Variants in ANXA2 observed in about 807,000 individuals in gnomAD.
ANXA2 encodes annexin A2.
In ANXA2, 28 loss-of-function variants were observed where a neutral mutation model predicts 47.3. The observed-to-expected ratio is 0.59, with a 90% CI of 0.44 to 0.81. The LOEUF (loss-of-function observed/expected upper bound fraction) is 0.81, where lower values mean the gene tolerates loss of function less well. Ranked by LOEUF, ANXA2 falls within the 40% of genes least tolerant of loss-of-function variation. ANXA2 has a pLI of 0.00. For missense variants in ANXA2, 384 were observed against 414.3 expected, an observed-to-expected ratio of 0.93 and a Z score of 0.64; for synonymous variants, 172 against 155.5, an observed-to-expected ratio of 1.11 and a Z score of -0.79.
intron 3 of ANXA2, among the ~76,000 whole-genome samples, chr15:60,366,571 A>C (rs954241546): frequency 3.4e-5 from 5 of 145,620 alleles, no homozygotes; most frequent in Non-Finnish European, 6.0e-5. Flanking sequence ...TCTGCCTGGC[A>C]ACCGCCCCGT....
At chr15:60,378,468 T>C (rs146601480) in intron 3 of ANXA2, among the ~76,000 whole-genome samples, 3 of 152,348 alleles carry the variant, frequency 2.0e-5, no homozygotes, top group African/African-American at 7.2e-5. Context: ...CCTCAAGACA[T>C]ACTTCCCAAC....
At chr15:60,376,249 G>A (rs1457103250) in intron 3 of ANXA2, among the ~76,000 whole-genome samples, 1 of 152,102 alleles carries the variant, frequency 6.6e-6, no homozygotes, top group Non-Finnish European at 1.5e-5. Flanking sequence ...GGGCATGGTG[G>A]CACATGCCTG....
intron 3 of ANXA2, 82 bp downstream of exon 3, chr15:60,382,260 T>C: frequency 1.9e-6 from 2 of 1,064,470 alleles, no homozygotes; most frequent in East Asian, 2.4e-5. Context: ...CGCCAACGTA[T>C]GGCGATTTGA....
At chr15:60,356,685 A>G (rs897000562) in intron 6 of ANXA2, among the ~76,000 whole-genome samples, 5 of 152,198 alleles carry the variant, frequency 3.3e-5, no homozygotes, top group Non-Finnish European at 7.3e-5. Flanking sequence ...TAGCGATGTA[A>G]GTTGCATTGT....
chr15:60,389,243 C>A (rs2062974926), intron 1 of ANXA2, among the ~76,000 whole-genome samples: 1 of 152,124 alleles, frequency 6.6e-6, no homozygotes, highest in African/African-American at 2.4e-5. Context: ...AAAAGCAAAA[C>A]CAGGGAACTA....
intron 6 of ANXA2, among the ~76,000 whole-genome samples, chr15:60,356,747 G>T (rs929677420): frequency 6.6e-6 from 1 of 152,172 alleles, no homozygotes; most frequent in Non-Finnish European, 1.5e-5. Context: ...GTCCACAGGG[G>T]TCTCTTGCTG....
intron 12 of ANXA2, among the ~76,000 whole-genome samples, chr15:60,348,399 G>A (rs1057276940): frequency 2.0e-5 from 3 of 152,182 alleles, no homozygotes; most frequent in Non-Finnish European, 4.4e-5. Flanking sequence ...CTGAATAACT[G>A]AAAGTTGTTA....
At chr15:60,377,206 T>C (rs892551104) in intron 3 of ANXA2, among the ~76,000 whole-genome samples, 12 of 152,190 alleles carry the variant, frequency 7.9e-5, no homozygotes, top group African/African-American at 4.8e-5. Flanking sequence ...GAAGGTAAGA[T>C]CTTAATTAGC....
intron 12 of ANXA2, 22 bp downstream of exon 12, chr15:60,349,053 T>A (rs1195058632): frequency 5.0e-6 from 8 of 1,613,684 alleles, no homozygotes; most frequent in Non-Finnish European, 6.8e-6. Context: ...CAGGGCAGGC[T>A]GACACTGCAC....
intron 3 of ANXA2, among the ~76,000 whole-genome samples, chr15:60,368,530 T>A (rs2062669153): frequency 6.6e-6 from 1 of 151,464 alleles, no homozygotes; most frequent in African/African-American, 2.4e-5. Flanking sequence ...TATTAATTAA[T>A]GTTGGAAAAT....
chr15:60,393,193 C>T, intron 1 of ANXA2: 1 of 1,195,130 alleles, frequency 8.4e-7, no homozygotes, highest in South Asian at 1.6e-5. Context: ...CAGCTTGTCT[C>T]TTCTGTGGCC....
chr15:60,355,728 T>C, intron 7 of ANXA2, 191 bp downstream of exon 7: 2 of 658,982 alleles, frequency 3.0e-6, no homozygotes, highest in South Asian at 3.3e-5. Flanking sequence ...TCCATGAGGT[T>C]TTGCAGGATA....
chr15:60,364,490 G>A lies in ANXA2; in HGVS notation c.182C>T (p.Thr61Ile). 1 of 1,613,314 alleles carries A rather than the reference G, an allele frequency of 6.2e-7. No homozygotes were observed. Among genetic ancestry groups the A allele is most frequent in the Non-Finnish European group, 8.5e-7 (1 of 1,179,784 alleles). ...VDEVTIVNIL[T>I]NRSNAQRQDI... ...CTGTCTCTGTGCATTGCTGCGGTTG[G>A]TCAAAATGTTGACAATGGTGACCTC... The change falls in exon 4 of 13, where the codon ACC (threonine) becomes ATC (isoleucine). Residue 61 changes from threonine (T) to isoleucine (I), a missense_variant. Thr to Ile is a moderately conservative substitution (Grantham distance 89). Transcript: ENST00000451270.
intron 5 of ANXA2, among the ~76,000 whole-genome samples, chr15:60,360,389 A>G (rs2062495763): frequency 6.6e-6 from 1 of 152,254 alleles, no homozygotes; most frequent in Admixed American, 6.5e-5. Context: ...AAAGAAAAAC[A>G]TAAAAGATAA....
chr15:60,368,316 A>AAAATAAAAT (rs57187491), intron 3 of ANXA2, among the ~76,000 whole-genome samples: 1,287 of 113,976 alleles, frequency 0.011, 10 homozygotes, highest in African/African-American at 0.026. Context: ...AATAAAAAAA[A>AAAATAAAAT]AAAATAAAAT....
chr15:60,374,186 C>T (rs929118941), intron 3 of ANXA2, among the ~76,000 whole-genome samples: 1 of 151,920 alleles, frequency 6.6e-6, no homozygotes, highest in Admixed American at 6.5e-5. Flanking sequence ...AAGGTATCAT[C>T]GACTTGGTAA....
At chr15:60,365,974 G>C (rs904191896) in intron 3 of ANXA2, among the ~76,000 whole-genome samples, 2 of 141,644 alleles carry the variant, frequency 1.4e-5, no homozygotes, top group South Asian at 2.4e-4. Context: ...TCAGCCTGCC[G>C]AGTGCCTGCG....
At chr15:60,355,347 T>G in intron 7 of ANXA2, 1 of 170,932 alleles carries the variant, frequency 5.9e-6, no homozygotes, top group East Asian at 1.7e-4. Context: ...GGACGCACTA[T>G]CTGTCATTTG....
At chr15:60,381,062 C>T (rs1484773882) in intron 3 of ANXA2, among the ~76,000 whole-genome samples, 1 of 151,986 alleles carries the variant, frequency 6.6e-6, no homozygotes, top group Non-Finnish European at 1.5e-5. Context: ...GGAAAGGTGA[C>T]CATGTAATGT....
Sources: gnomAD v4.1 joint callset for allele counts (sites outside exome capture counted in the v4.1 genomes callset) on GRCh38, gnomAD v4.1.1 for gene constraint, MANE v1.5 for transcripts, NCBI Gene and HGNC (gene_info 2026-07-23, HGNC 2026-07-21) for gene names.